The following ZNF469 variants were observed in gnomAD, a reference collection of about 807,000 sequenced individuals.
ZNF469 encodes the protein zinc finger protein 469.
In ZNF469, 1 loss-of-function variant was observed where a neutral mutation model predicts 1.0. That is an observed-to-expected ratio of 1.00 (90% confidence interval 0.35 to 4.73). The LOEUF is 4.73. Ranked by LOEUF, ZNF469 falls within the 30% of genes most tolerant of loss-of-function variation. The pLI, the probability that ZNF469 is intolerant of heterozygous loss-of-function variation, is 0.16. For synonymous variants in ZNF469, 2,703 were observed against 2,363.4 expected, an observed-to-expected ratio of 1.14 and a Z score of -4.17; for missense variants, 6,100 against 5,356.3, an observed-to-expected ratio of 1.14 and a Z score of -4.33.
chr16:88,412,458 A>T (rs1388274752), intron 1 of ZNF469, among the ~76,000 whole-genome samples: 1 of 152,086 alleles, frequency 6.6e-6, no homozygotes, highest in Non-Finnish European at 1.5e-5. Flanking sequence ...GCTGCATCGG[A>T]GTTCATGAGG....
At chr16:88,148,278 G>A in the ZNF469 span, among the ~76,000 whole-genome samples, 1 of 152,136 alleles carries the variant, frequency 6.6e-6, no homozygotes, top group Non-Finnish European at 1.5e-5. Context: ...CTCGTTCCCA[G>A]CTCCACCACC....
chr16:88,212,668 C>T, the ZNF469 span, among the ~76,000 whole-genome samples: 3 of 152,272 alleles, frequency 2.0e-5, no homozygotes, highest in South Asian at 6.2e-4. Context: ...GCAACCTCTA[C>T]CTCCTGGGCT....
the ZNF469 span, among the ~76,000 whole-genome samples, chr16:88,265,570 C>T: frequency 1.3e-5 from 2 of 152,168 alleles, no homozygotes; most frequent in Non-Finnish European, 2.9e-5. Context: ...GTGCGTGCAG[C>T]GTGTGGCATC....
intron 1 of ZNF469, among the ~76,000 whole-genome samples, chr16:88,398,126 C>T (rs979531160): frequency 2.0e-5 from 3 of 152,254 alleles, no homozygotes; most frequent in Non-Finnish European, 4.4e-5. Context: ...GGCCTCTGAT[C>T]CCTGCTCCCT....
the ZNF469 span, among the ~76,000 whole-genome samples, chr16:88,369,667 C>G: frequency 0.51 from 78,128 of 152,180 alleles, 22,037 homozygotes; most frequent in Non-Finnish European, 0.64. Context: ...CATGATGACT[C>G]TGAGGGGCGA....
At chr16:88,200,125 C>T in the ZNF469 span, among the ~76,000 whole-genome samples, 2 of 124,202 alleles carry the variant, frequency 1.6e-5, no homozygotes, top group African/African-American at 5.7e-5. Flanking sequence ...CCCGGCACGG[C>T]CGAAGAGAAC....
the ZNF469 span, among the ~76,000 whole-genome samples, chr16:88,135,664 C>T: frequency 6.6e-6 from 1 of 151,002 alleles, no homozygotes; most frequent in Admixed American, 6.6e-5. Flanking sequence ...GCATTCGGTT[C>T]CTCAGCAACA....
At chr16:88,196,673 T>G in the ZNF469 span, among the ~76,000 whole-genome samples, 1 of 152,296 alleles carries the variant, frequency 6.6e-6, no homozygotes, top group Non-Finnish European at 1.5e-5. Flanking sequence ...GACAGGCCCC[T>G]TGCTCTGCCC....
At chr16:88,145,108 C>T in the ZNF469 span, among the ~76,000 whole-genome samples, 2 of 152,014 alleles carry the variant, frequency 1.3e-5, no homozygotes, top group African/African-American at 4.8e-5. Flanking sequence ...CCTCAGCTTC[C>T]CAAACAGGCA....
At position 88,437,192 on chromosome 16, in the gene ZNF469, G is replaced by A. The variant is rs1391540533; in HGVS notation, c.9722G>A (p.Gly3241Asp). 1.9e-6 allele frequency: 3 copies of A among 1,549,546 alleles called. No individual in the cohort carries two copies. Among genetic ancestry groups the A allele is most frequent in the Admixed American group, 3.9e-5 (2 of 50,972 alleles). Residue 3241 changes from glycine to aspartate, a missense_variant, in exon 3 of 3, where the codon GGC becomes GAC. Transcript: ENST00000565624. ...GAACCCGCGCCCAAACACCACAGGG[G>A]CAAGCGCTCCGCCGGCAAGGCCGCC... is the stretch of plus-strand genomic sequence containing the variant. ...ITEPAPKHHR[G>D]KRSAGKAAGS... is the part of the protein sequence containing the mutation.
At chr16:88,361,928 T>C in the ZNF469 span, among the ~76,000 whole-genome samples, 2 of 152,202 alleles carry the variant, frequency 1.3e-5, no homozygotes, top group African/African-American at 4.8e-5. Context: ...CACCATTGGA[T>C]TGCATTGACA....
At chr16:88,180,140 G>A in the ZNF469 span, among the ~76,000 whole-genome samples, 171 of 152,054 alleles carry the variant, frequency 1.1e-3, no homozygotes, top group African/African-American at 4.0e-3. Context: ...AAAAGTACTT[G>A]ATCCAATAGA....
At chr16:88,271,197 C>T in the ZNF469 span, among the ~76,000 whole-genome samples, 5 of 150,916 alleles carry the variant, frequency 3.3e-5, no homozygotes, top group East Asian at 3.9e-4. Flanking sequence ...TCCCGGAGAG[C>T]GTGTTGACGT....
the ZNF469 span, among the ~76,000 whole-genome samples, chr16:88,256,167 G>T: frequency 1.3e-4 from 20 of 152,152 alleles, no homozygotes; most frequent in African/African-American, 4.8e-4. Flanking sequence ...ATCATACAAA[G>T]TAGTTTCACC....
the ZNF469 span, among the ~76,000 whole-genome samples, chr16:88,357,637 G>A: frequency 6.6e-6 from 1 of 152,186 alleles, no homozygotes; most frequent in Non-Finnish European, 1.5e-5. Flanking sequence ...GGGGGGGCCC[G>A]GGCTTGGTTT....
chr16:88,152,704 G>C, the ZNF469 span, among the ~76,000 whole-genome samples: 18 of 152,318 alleles, frequency 1.2e-4, no homozygotes, highest in South Asian at 3.7e-3. The surrounding 1 kb of genome is among the most constrained non-coding windows in gnomAD (Gnocchi z 4.2). Context: ...TTACTTAGCA[G>C]TTGGTAAATC....
the ZNF469 span, among the ~76,000 whole-genome samples, chr16:88,316,940 C>T: frequency 6.6e-6 from 1 of 152,182 alleles, no homozygotes; most frequent in African/African-American, 2.4e-5. Context: ...CAGAAAACTC[C>T]AGATCCCACG....
At chr16:88,350,598 G>A in the ZNF469 span, among the ~76,000 whole-genome samples, 3 of 152,238 alleles carry the variant, frequency 2.0e-5, no homozygotes, top group Non-Finnish European at 2.9e-5. Context: ...TGTGGTGGGC[G>A]GAATAAGATC....
intron 1 of ZNF469, among the ~76,000 whole-genome samples, chr16:88,400,907 C>T (rs775650628): frequency 9.9e-5 from 15 of 151,862 alleles, no homozygotes; most frequent in Non-Finnish European, 1.8e-4. Context: ...GTGGCGGGGG[C>T]AGGAGATGGA....
Sources: allele counts gnomAD v4.1 joint callset (sites outside exome capture counted in the v4.1 genomes callset), GRCh38; gene constraint gnomAD v4.1.1; non-coding constraint Gnocchi (gnomAD v3.1); transcripts MANE v1.5; gene names NCBI Gene and HGNC (gene_info 2026-07-23, HGNC 2026-07-21).